Variants in SEC14L1 observed in about 807,000 individuals in gnomAD.
SEC14L1 encodes SEC14 like lipid binding 1.
In SEC14L1, 48 loss-of-function variants were observed where a neutral mutation model predicts 85.3. The observed-to-expected ratio is 0.56, with a 90% CI of 0.45 to 0.72. The LOEUF (loss-of-function observed/expected upper bound fraction) is 0.72, where lower values mean the gene tolerates loss of function less well. Ranked by LOEUF, SEC14L1 falls within the 30% of genes least tolerant of loss-of-function variation. SEC14L1 has a pLI of 0.00. For synonymous variants in SEC14L1, 391 were observed against 355.5 expected (o/e 1.10, Z -1.12); for missense variants, 682 against 921.4 (o/e 0.74, Z 3.36).
At chr17:77,185,933 A>C (rs1030746169) in intron 3 of SEC14L1, among the ~76,000 whole-genome samples, 5 of 152,184 alleles carry the variant, frequency 3.3e-5, no homozygotes, top group African/African-American at 1.2e-4. Flanking sequence ...ATTTTTCAAG[A>C]TTCTGGCAGT....
rs112321615 is a variant in SEC14L1, at chr17:77,216,393, G to T, written c.*2370G>T. On this transcript the variant is annotated 3_prime_UTR_variant, in exon 17 of 17. Transcript: ENST00000436233. Reference sequence around the variant, plus strand: ...CTAGTAGGTAGGGCTAGTAGGTAGGGCTAGTAGGTAGGGTTCGTAGGTAGG... The same window carrying T: ...CTAGTAGGTAGGGCTAGTAGGTAGGTCTAGTAGGTAGGGTTCGTAGGTAGG... The T allele has an allele frequency of 0.29, 256,402 of 891,176 alleles. 45,479 individuals are homozygous for T. Among genetic ancestry groups the T allele is most frequent in the Middle Eastern group, 0.39 (915 of 2,350 alleles). 55.2% of individuals were successfully genotyped at this position (891,176 alleles called of 1,614,324 possible).
chr17:77,105,139 G>A (rs780633432), intron 3 of SEC14L1, among the ~76,000 whole-genome samples: 1 of 152,034 alleles, frequency 6.6e-6, no homozygotes, highest in Non-Finnish European at 1.5e-5. Context: ...TGAGCAGGGG[G>A]GCGACTTTGA....
chr17:77,111,240 A>G (rs1180973955), intron 3 of SEC14L1, among the ~76,000 whole-genome samples: 1 of 151,922 alleles, frequency 6.6e-6, no homozygotes, highest in Non-Finnish European at 1.5e-5. Flanking sequence ...AGGCGGGACA[A>G]CTCAAAGCCG....
intron 3 of SEC14L1, among the ~76,000 whole-genome samples, chr17:77,183,720 A>G (rs1384061059): frequency 2.0e-5 from 3 of 152,188 alleles, no homozygotes; most frequent in Non-Finnish European, 2.9e-5. Flanking sequence ...TTCGATAGCT[A>G]TTTTTATTCC....
At position 77,206,563 on chromosome 17, in the gene SEC14L1, C is replaced by G. The variant is rs994691313; in HGVS notation, c.1341+163C>G. The G allele has an allele frequency of 8.3e-7, 1 of 1,210,062 alleles. No individual in the cohort carries two copies. Among genetic ancestry groups the G allele is most frequent in the Non-Finnish European group, 1.1e-6 (1 of 873,676 alleles). 75.0% of individuals were successfully genotyped at this position (1,210,062 alleles called of 1,614,324 possible). ...CAAATTGTTTAAGAAAGGGGAAAAA[C>G]AAAATGTGAGTGTCCTAATGCCATG... is the stretch of plus-strand genomic sequence containing the variant. On this transcript the variant is annotated intron_variant, in intron 12 of 16. Transcript: ENST00000436233. This position sits in a 1 kb window ranked among gnomAD's most constrained non-coding sequence, Gnocchi z 4.3.
At chr17:77,140,743 G>C (rs529089354), upstream of SEC14L1, 3 of 151,602 alleles carry the variant, frequency 2.0e-5, no homozygotes, top group Admixed American at 2.0e-4. Context: ...AGTGCGACGG[G>C]GCCGGCGCCT....
intron 3 of SEC14L1, among the ~76,000 whole-genome samples, chr17:77,172,018 A>G (rs1199372909): frequency 1.3e-5 from 2 of 152,126 alleles, no homozygotes; most frequent in South Asian, 2.1e-4. Flanking sequence ...CAGAAGTTTA[A>G]TATTTACTGA....
At chr17:77,176,871 G>A (rs1974780476) in intron 3 of SEC14L1, among the ~76,000 whole-genome samples, 2 of 152,230 alleles carry the variant, frequency 1.3e-5, no homozygotes, top group South Asian at 4.2e-4. Context: ...ACAGGCGTGA[G>A]CCCCTGCACC....
In SEC14L1 at chr17:77,169,063, C is replaced by T. The variant is rs576985653; in HGVS notation, c.64-21740C>T. The stretch of plus-strand genomic sequence containing the variant: ...GTGATCCTCTGTCCTGTTATGTTGA[C>T]GGAATGCCAGAGTGAAAGGGCCAGT... On this transcript the variant is annotated intron_variant, in intron 3 of 16. Coordinates refer to ENST00000436233, the MANE Select transcript of SEC14L1 (RefSeq NM_001143998.2). Among the ~76,000 whole-genome samples the T allele has an allele frequency of 6.5e-5, 8 of 123,774 alleles. No homozygotes were observed. The East Asian group carries it at 7.6e-4, about 12-fold the overall frequency. 81.2% of individuals were successfully genotyped at this position (123,774 alleles called of 152,430 possible). A position where few individuals can be genotyped will look rare whatever the true frequency, so the allele number is the denominator to read the frequency against.
At chr17:77,204,522 C>CTTTT (rs745921636) in intron 10 of SEC14L1, among the ~76,000 whole-genome samples, 4 of 84,734 alleles carry the variant, frequency 4.7e-5, no homozygotes, top group Admixed American at 1.4e-4. Flanking sequence ...GCCCAGCCAG[C>CTTTT]TTTTTTTTTT....
At chr17:77,210,251 T>A (rs756870027) in intron 14 of SEC14L1, 2 of 152,318 alleles carry the variant, frequency 1.3e-5, no homozygotes, top group Non-Finnish European at 2.9e-5. Flanking sequence ...TATTCCTTTT[T>A]TGCTGTCACT....
intron 3 of SEC14L1, among the ~76,000 whole-genome samples, chr17:77,184,461 A>T (rs1356481562): frequency 6.6e-6 from 1 of 151,366 alleles, no homozygotes; most frequent in East Asian, 1.9e-4. Context: ...TTCCTGAAAA[A>T]TTTTCTCCCC....
chr17:77,200,316 G>A (rs1157945048), intron 8 of SEC14L1, among the ~76,000 whole-genome samples, 168 bp from the exon 9 acceptor site: 3 of 151,992 alleles, frequency 2.0e-5, no homozygotes, highest in Non-Finnish European at 4.4e-5. Context: ...TTACAGGCAT[G>A]CACCACCATG....
intron 8 of SEC14L1, 64 bp from the exon 9 acceptor site, chr17:77,200,420 C>T (rs1976073501): frequency 7.4e-7 from 1 of 1,356,016 alleles, no homozygotes; most frequent in African/African-American, 1.4e-5. Context: ...CCGTCCACCG[C>T]AGCCTCCCAA....
chr17:77,143,542 T>G (rs1456380670), intron 2 of SEC14L1, 25 bp from the exon 3 acceptor site: 10 of 1,421,698 alleles, frequency 7.0e-6, no homozygotes, highest in South Asian at 7.0e-5. Flanking sequence ...TGTGGTTACT[T>G]ATCACATATA....
chr17:77,177,451 G>A (rs1974810275), intron 3 of SEC14L1, among the ~76,000 whole-genome samples: 1 of 150,832 alleles, frequency 6.6e-6, no homozygotes. Context: ...CTATTAAATA[G>A]TGTTAACAAA....
In SEC14L1 at chr17:77,191,771, GAC is replaced by G. The variant is rs895955979; in HGVS notation, c.345+460_345+461del. On this transcript the variant is annotated intron_variant, in intron 5 of 16. Coordinates refer to ENST00000436233, the MANE Select transcript of SEC14L1 (RefSeq NM_001143998.2). ...TTGGCCTGGCTGGTCTGGAACTCCTGACCTCACGTGATCCACCCCTTGGCCTA... is the reference window on the plus strand; with the variant it reads ...TTGGCCTGGCTGGTCTGGAACTCCTGCTCACGTGATCCACCCCTTGGCCTA... Among the ~76,000 whole-genome samples the G allele has an allele frequency of 4.6e-5, 7 of 151,234 alleles. No individual in the cohort carries two copies. In the South Asian group the frequency reaches 1.5e-3, roughly 32 times the overall value.
chr17:77,172,060 A>C (rs926330495), intron 3 of SEC14L1, among the ~76,000 whole-genome samples: 1 of 152,174 alleles, frequency 6.6e-6, no homozygotes, highest in African/African-American at 2.4e-5. Flanking sequence ...TGTTTCTTCT[A>C]AGATTTTTGC....
intron 2 of SEC14L1, among the ~76,000 whole-genome samples, chr17:77,092,516 G>T (rs1598207831): frequency 1.3e-5 from 2 of 152,246 alleles, no homozygotes; most frequent in South Asian, 4.1e-4. Flanking sequence ...GTGGCTGGAG[G>T]GAAGGGAAGA....
Sources: allele counts gnomAD v4.1 joint callset (sites outside exome capture counted in the v4.1 genomes callset), GRCh38; gene constraint gnomAD v4.1.1; non-coding constraint Gnocchi (gnomAD v3.1); transcripts MANE v1.5; gene names NCBI Gene and HGNC (gene_info 2026-07-23, HGNC 2026-07-21).